Variants in SYNPO2L observed in about 807,000 individuals in gnomAD.
The protein encoded by SYNPO2L is synaptopodin 2-like protein.
A neutral mutation model predicts 47.5 loss-of-function variants in SYNPO2L; 34 were observed. The ratio of observed to expected loss-of-function variants is 0.72; its 90% CI spans 0.54 to 0.95. The LOEUF (loss-of-function observed/expected upper bound fraction) is 0.95, where lower values mean the gene tolerates loss of function less well. SYNPO2L is among the 40% of genes least tolerant of loss of function. SYNPO2L has a pLI of 0.00. For missense variants in SYNPO2L, 1,246 were observed against 1,282.0 expected, an observed-to-expected ratio of 0.97 and a Z score of 0.43; for synonymous variants, 536 against 524.9, an observed-to-expected ratio of 1.02 and a Z score of -0.29.
chr10:73,654,555 G>A (rs1009029301), intron 1 of SYNPO2L, among the ~76,000 whole-genome samples: 7 of 152,136 alleles, frequency 4.6e-5, no homozygotes, highest in African/African-American at 1.7e-4. Context: ...TAGAAATGGT[G>A]GTTATTGGCT....
rs2081750238 is a variant in SYNPO2L at position 73,646,477 on chromosome 10, A to C, written c.*241T>G. ...AGCCTGGAAATAAAGACAGAGATCC[A>C]GGAAAGGAAATGCAGAGACAAAGAG... On this transcript the variant is annotated 3_prime_UTR_variant, in exon 4 of 4. Coordinates refer to ENST00000394810, the MANE Select transcript of SYNPO2L (RefSeq NM_001114133.3). The C allele has an allele frequency of 8.2e-7, 1 of 1,214,312 alleles. No individual in the cohort carries two copies. The highest frequency in any genetic ancestry group is 1.0e-6 in the Non-Finnish European group (1 of 977,366). 75.2% of individuals were successfully genotyped at this position (1,214,312 alleles called of 1,614,324 possible).
intron 3 of SYNPO2L, among the ~76,000 whole-genome samples, chr10:73,652,091 C>A (rs1328634964): frequency 2.6e-4 from 31 of 120,380 alleles, no homozygotes; most frequent in East Asian, 1.0e-3. Context: ...AAAAAAAAAA[C>A]CAGAAAAAAA....
Position 73,646,216 on chromosome 10 carries a change from A to G in SYNPO2L, c.*502T>C, listed in dbSNP as rs1047820943. 63 of 987,370 alleles carry G rather than the reference A, an allele frequency of 6.4e-5. No individual in the cohort carries two copies. Among genetic ancestry groups the G allele is most frequent in the Middle Eastern group, 5.1e-4 (1 of 1,954 alleles). The allele number at this position is 987,370 out of a possible 1,614,324, so 61.2% of individuals were successfully genotyped here. On this transcript the variant is annotated 3_prime_UTR_variant, in exon 4 of 4. Coordinates refer to ENST00000394810, the MANE Select transcript of SYNPO2L (RefSeq NM_001114133.3). Reference sequence around the variant, plus strand: ...CACACACACACACACACACACACACACAGGCCTAGGTATATGCCAGTCAAG... The same window carrying G: ...CACACACACACACACACACACACACGCAGGCCTAGGTATATGCCAGTCAAG...
At chr10:73,649,459 C>T (rs2081819126) in intron 3 of SYNPO2L, among the ~76,000 whole-genome samples, 1 of 152,152 alleles carries the variant, frequency 6.6e-6, no homozygotes, top group Non-Finnish European at 1.5e-5. Context: ...ATGCAATCCA[C>T]ATCATACACA....
rs2132415603 is a variant in SYNPO2L at position 73,646,895 on chromosome 10, GA to G, written c.2756del (p.Ile919ThrfsTer35). 1.3e-6 allele frequency: 2 copies of G among 1,571,512 alleles called. No individual in the cohort carries two copies. Among genetic ancestry groups the G allele is most frequent in the East Asian group, 4.5e-5 (2 of 44,376 alleles). On this transcript the variant is annotated frameshift_variant, in exon 4 of 4. Coordinates refer to ENST00000394810, the MANE Select transcript of SYNPO2L (RefSeq NM_001114133.3). LOFTEE classifies it high-confidence loss of function. The part of the protein sequence containing the change: ...PRAATTLDEP[I>X]WRTELASAPV... Reference sequence around the variant, plus strand: ...GGGCTGAGGCCAGTTCTGTTCTCCAGATGGGCTCATCCAGTGTAGTGGCTGC... The same window carrying G: ...GGGCTGAGGCCAGTTCTGTTCTCCAGTGGGCTCATCCAGTGTAGTGGCTGC...
At position 73,648,376 on chromosome 10, in the gene SYNPO2L, G is replaced by C; in HGVS notation, c.1276C>G (p.Gln426Glu). The C allele has an allele frequency of 6.2e-7, 1 of 1,606,782 alleles. No homozygotes were observed. The highest frequency in any genetic ancestry group is 8.5e-7 in the Non-Finnish European group (1 of 1,179,500). ...ACAGCTGCCTCTGGGGGAGCACTCT[G>C]GGCCCGAGGTGGTGACTGCAGGCCT... ...GEGLQSPPRA[Q>E]SAPPEAAVLP... Residue 426 changes from glutamine to glutamate, a missense_variant, in exon 4 of 4, where the codon CAG becomes GAG. Gln to Glu is a conservative substitution (Grantham distance 29). This residue lies in a region of SYNPO2L where 1,037 missense variants were observed against 1,021.5 expected (regional missense o/e 1.02). Coordinates refer to ENST00000394810, the MANE Select transcript of SYNPO2L (RefSeq NM_001114133.3).
At position 73,653,311 on chromosome 10, in the gene SYNPO2L, G is replaced by A. The variant is rs1233091048; in HGVS notation, c.600C>T (p.Ser200=). Residue 200 remains serine (S), a synonymous_variant, in exon 3 of 4, where the codon AGC becomes AGT. Coordinates refer to ENST00000394810, the MANE Select transcript of SYNPO2L (RefSeq NM_001114133.3). ...CTGCCCCATCCTCCCAAGACGGGGA[G>A]CTCACACGGCTGTCACCCTGGCTGG... is the stretch of plus-strand genomic sequence containing the variant. ...GPPSQGDSRV[S]SPSWEDGAAL... is the part of the protein sequence containing the mutation. The A allele has an allele frequency of 3.9e-6, 6 of 1,551,598 alleles. No individual in the cohort carries two copies. Among genetic ancestry groups the A allele is most frequent in the Non-Finnish European group, 5.2e-6 (6 of 1,146,978 alleles).
intron 1 of SYNPO2L, 128 bp downstream of exon 1, chr10:73,655,690 G>GTC: frequency 3.7e-6 from 1 of 271,704 alleles, no homozygotes; most frequent in Non-Finnish European, 7.4e-6. Context: ...ATACTTCCCT[G>GTC]CCCACCACCC....
Position 73,645,505 on chromosome 10 carries a change from A to C in SYNPO2L, c.*1213T>G, listed in dbSNP as rs1256022186. The C allele has an allele frequency of 3.0e-6, 3 of 991,878 alleles. No homozygotes were observed. Among genetic ancestry groups the C allele is most frequent in the Non-Finnish European group, 3.6e-6 (3 of 834,872 alleles). 61.4% of individuals were successfully genotyped at this position (991,878 alleles called of 1,614,324 possible). A position where few individuals can be genotyped will look rare whatever the true frequency, so the allele number is the denominator to read the frequency against. Reference sequence around the variant, plus strand: ...AAGCCAATGATTTGTTCATTCTCGGAGGGAATTTTCTTTCTTTTTTTCATT... The same window carrying C: ...AAGCCAATGATTTGTTCATTCTCGGCGGGAATTTTCTTTCTTTTTTTCATT... On this transcript the variant is annotated 3_prime_UTR_variant, in exon 4 of 4. Transcript: ENST00000394810.
chr10:73,650,437 G>A (rs1305628462), intron 3 of SYNPO2L, among the ~76,000 whole-genome samples: 1 of 152,118 alleles, frequency 6.6e-6, no homozygotes, highest in East Asian at 1.9e-4. Flanking sequence ...TTAAAGTTCG[G>A]TTTCCTCATC....
intron 3 of SYNPO2L, chr10:73,651,097 C>G: frequency 6.9e-7 from 1 of 1,446,440 alleles, no homozygotes; most frequent in South Asian, 1.5e-5. Flanking sequence ...CCAGAGCTGG[C>G]AGCTGAATGA....
rs201306811 is a variant in SYNPO2L, at chr10:73,647,375, C to T, written c.2277G>A (p.Gly759=). 2.6e-4 allele frequency: 418 copies of T among 1,614,060 alleles called. No homozygotes were observed. The highest frequency in any genetic ancestry group is 3.3e-4 in the Middle Eastern group (2 of 6,062). The part of the protein sequence containing the change: ...PEPPRLQGRG[G]ELFAKRQSRA... The stretch of plus-strand genomic sequence containing the variant: ...GGCTCTGCCGCTTAGCAAACAGCTC[C>T]CCACCCCTGCCCTGCAGCCTTGGTG... Residue 759 remains glycine, a synonymous_variant, in exon 4 of 4, where the codon GGG becomes GGA. Transcript: ENST00000394810.
intron 3 of SYNPO2L, among the ~76,000 whole-genome samples, chr10:73,649,199 G>T (rs894601463): frequency 2.0e-5 from 3 of 152,078 alleles, no homozygotes; most frequent in Admixed American, 2.0e-4. Context: ...TTCCTCACCT[G>T]CCTCCCATTC....
At chr10:73,655,403 G>A (rs768638374) in intron 1 of SYNPO2L, among the ~76,000 whole-genome samples, 11 of 152,116 alleles carry the variant, frequency 7.2e-5, no homozygotes, top group Non-Finnish European at 1.2e-4. Flanking sequence ...GCTGGGCTGG[G>A]CTAGGCTGTT....
chr10:73,645,524 T>C lies in SYNPO2L; in HGVS notation c.*1194A>G, dbSNP rs1022782349. 3 of 996,226 alleles carry C rather than the reference T, an allele frequency of 3.0e-6. No homozygotes were observed. The highest frequency in any genetic ancestry group is 4.5e-5 in the South Asian group (1 of 22,164). 61.7% of individuals were successfully genotyped at this position (996,226 alleles called of 1,614,324 possible). ...TCTCGGAGGGAATTTTCTTTCTTTT[T>C]TTCATTTCCTGGGTACTGGGTTGCT... is the stretch of plus-strand genomic sequence containing the variant. On this transcript the variant is annotated 3_prime_UTR_variant, in exon 4 of 4. Coordinates refer to ENST00000394810, the MANE Select transcript of SYNPO2L (RefSeq NM_001114133.3).
intron 3 of SYNPO2L, among the ~76,000 whole-genome samples, chr10:73,652,260 C>A (rs2132422593): frequency 6.6e-6 from 1 of 152,108 alleles, no homozygotes; most frequent in East Asian, 1.9e-4. Flanking sequence ...TCAAGCAATC[C>A]TCTTGCCTCA....
chr10:73,650,767 A>C, intron 3 of SYNPO2L: 1 of 1,325,504 alleles, frequency 7.5e-7, no homozygotes, highest in Non-Finnish European at 9.7e-7. Context: ...GGGCAGTGAA[A>C]CTCTCCTGAG....
intron 1 of SYNPO2L, 75 bp downstream of exon 1, chr10:73,655,743 T>G: frequency 6.7e-6 from 1 of 149,228 alleles, no homozygotes. Flanking sequence ...CCCCGCCATA[T>G]GCCACCACAC....
At position 73,647,191 on chromosome 10, in the gene SYNPO2L, A is replaced by C. The variant is rs760804531; in HGVS notation, c.2461T>G (p.Phe821Val). 1 of 1,613,870 alleles carries C rather than the reference A, an allele frequency of 6.2e-7. No individual in the cohort carries two copies. Among genetic ancestry groups the C allele is most frequent in the Non-Finnish European group, 8.5e-7 (1 of 1,179,896 alleles). Residue 821 changes from phenylalanine (F) to valine (V), a missense_variant, in exon 4 of 4, where the codon TTC (phenylalanine) becomes GTC (valine). Phe to Val is a conservative substitution (Grantham distance 50, BLOSUM62 -1). This residue lies in a region of SYNPO2L where 1,037 missense variants were observed against 1,021.5 expected (regional missense o/e 1.02). Transcript: ENST00000394810. ...GGGAGAGTTCGGGCCGCCTGGGGGA[A>C]AAAGGGAGAGAGCAGTGGGTTGTAA... ...IAYNPLLSPF[F>V]PQAARTLPKA...
Sources: gnomAD v4.1 joint callset for allele counts (sites outside exome capture counted in the v4.1 genomes callset) on GRCh38, gnomAD v4.1.1 for gene constraint, gnomAD v4.1.1 regional missense constraint, MANE v1.5 for transcripts, NCBI Gene and HGNC (gene_info 2026-07-23, HGNC 2026-07-21) for gene names.